The following SLC22A15 variants were observed in gnomAD, a reference collection of about 807,000 sequenced individuals.
The protein encoded by SLC22A15 is flipt 1.
Under a neutral mutation model 62.7 loss-of-function variants are expected in SLC22A15, and 45 were observed. The ratio of observed to expected loss-of-function variants is 0.72; its 90% CI spans 0.56 to 0.92. The LOEUF is 0.92. Ranked by LOEUF, SLC22A15 falls within the 40% of genes least tolerant of loss-of-function variation. The probability of loss-of-function intolerance (pLI) is 0.00; values close to 1 mark genes in which losing one functional copy is unlikely to be tolerated. For synonymous variants in SLC22A15, 264 were observed against 267.0 expected (o/e 0.99, Z 0.11); for missense variants, 622 against 665.6 (o/e 0.93, Z 0.72).
intron 11 of SLC22A15, 114 bp downstream of exon 11, chr1:116,066,822 G>A: frequency 9.1e-7 from 1 of 1,099,602 alleles, no homozygotes; most frequent in Non-Finnish European, 1.3e-6. Flanking sequence ...ACAAAAGTGG[G>A]ATCTAACAGC....
At chr1:116,065,555 T>A in intron 10 of SLC22A15, among the ~76,000 whole-genome samples, 1 of 152,126 alleles carries the variant, frequency 6.6e-6, no homozygotes, top group East Asian at 1.9e-4. Flanking sequence ...TGGACATATG[T>A]TTGAGTGTAG....
chr1:116,064,536 T>G (rs758853688), intron 10 of SLC22A15, 28 bp downstream of exon 10: 4 of 1,465,818 alleles, frequency 2.7e-6, no homozygotes, highest in Non-Finnish European at 9.6e-7. Flanking sequence ...AGTTTTGTTT[T>G]TCTTGATTCT....
chr1:116,049,543 C>T (rs994263837), intron 8 of SLC22A15, among the ~76,000 whole-genome samples: 24 of 152,046 alleles, frequency 1.6e-4, no homozygotes, highest in Admixed American at 2.0e-4. Context: ...AAAAATTCTT[C>T]GAACTGAATG....
chr1:116,053,557 C>T (rs1658118909), intron 8 of SLC22A15, among the ~76,000 whole-genome samples: 1 of 152,086 alleles, frequency 6.6e-6, no homozygotes, highest in Non-Finnish European at 1.5e-5. Flanking sequence ...CAGAGAACGC[C>T]ACTAAAATAC....
At chr1:116,012,283 T>C (rs1234317909) in intron 2 of SLC22A15, among the ~76,000 whole-genome samples, 1 of 152,184 alleles carries the variant, frequency 6.6e-6, no homozygotes, top group Non-Finnish European at 1.5e-5. Flanking sequence ...AGGCTGGATA[T>C]GTGTCTCAGT....
chr1:116,010,312 T>C (rs897462393), intron 2 of SLC22A15, among the ~76,000 whole-genome samples: 1 of 152,218 alleles, frequency 6.6e-6, no homozygotes, highest in East Asian at 1.9e-4. Flanking sequence ...GACTGTTATC[T>C]TGAGATTAAT....
rs376710590 is a variant in SLC22A15, at chr1:116,032,323, A to C, written c.944+742A>C. ...GGTGCATACAATTTGTGGATTGCAC[A>C]TGTGTTTTGATATTGTACATACTGC... On this transcript the variant is annotated intron_variant, in intron 6 of 11. Coordinates refer to ENST00000369503, the MANE Select transcript of SLC22A15 (RefSeq NM_018420.3). 27 of 985,410 alleles carry C rather than the reference A, an allele frequency of 2.7e-5. No homozygotes were observed. The East Asian group carries it at 1.4e-3, about 50-fold the overall frequency. 61.0% of individuals were successfully genotyped at this position (985,410 alleles called of 1,614,324 possible).
At chr1:115,987,496 G>A (rs1264689591) in intron 1 of SLC22A15, among the ~76,000 whole-genome samples, 6 of 152,060 alleles carry the variant, frequency 3.9e-5, no homozygotes, top group Non-Finnish European at 5.9e-5. Flanking sequence ...AGTATTTAGA[G>A]GCACCAGTTA....
chr1:116,062,850 C>G lies in SLC22A15; in HGVS notation c.1260C>G (p.Ile420Met). Residue 420 changes from isoleucine (I) to methionine (M), a missense_variant, in exon 9 of 12, where the codon ATC becomes ATG. Transcript: ENST00000369503. Reference protein sequence around the residue: ...TISAAFNIVYIYTSELYPTVI... With the variant: ...TISAAFNIVYMYTSELYPTVI... ...GTGCTGCCTTTAACATTGTTTATAT[C>G]TACACCTCTGAGCTTTACCCTACAG... is the stretch of plus-strand genomic sequence containing the variant. 6.2e-7 allele frequency: 1 copy of G among 1,613,870 alleles called. No homozygotes were observed. The highest frequency in any genetic ancestry group is 8.5e-7 in the Non-Finnish European group (1 of 1,179,778).
At chr1:116,049,038 C>T (rs1206913878) in intron 8 of SLC22A15, among the ~76,000 whole-genome samples, 1 of 152,186 alleles carries the variant, frequency 6.6e-6, no homozygotes, top group Non-Finnish European at 1.5e-5. Context: ...CCTTGTCCAA[C>T]AGGAAAATAT....
intron 8 of SLC22A15, among the ~76,000 whole-genome samples, chr1:116,054,790 G>A (rs1439402699): frequency 6.6e-6 from 1 of 152,148 alleles, no homozygotes; most frequent in African/African-American, 2.4e-5. Context: ...TGAGCAACCT[G>A]CTCCCGAATG....
chr1:116,063,772 T>G (rs1051588677), intron 9 of SLC22A15, among the ~76,000 whole-genome samples: 1 of 152,174 alleles, frequency 6.6e-6, no homozygotes, highest in African/African-American at 2.4e-5. Flanking sequence ...TATGAACTTT[T>G]CAGCTGGGAT....
intron 2 of SLC22A15, among the ~76,000 whole-genome samples, chr1:116,000,139 C>G (rs979253878): frequency 6.6e-6 from 1 of 151,902 alleles, no homozygotes; most frequent in Non-Finnish European, 1.5e-5. Flanking sequence ...TACTACTGCC[C>G]TTTTGTTATT....
chr1:116,067,686 C>T lies in SLC22A15; in HGVS notation c.*578C>T, dbSNP rs1658529593. 6.6e-6 allele frequency: 1 copy of T among 152,514 alleles called. No homozygotes were observed. Among genetic ancestry groups the T allele is most frequent in the African/African-American group, 2.4e-5 (1 of 41,440 alleles). 9.4% of individuals were successfully genotyped at this position (152,514 alleles called of 1,614,324 possible). On this transcript the variant is annotated 3_prime_UTR_variant, in exon 12 of 12. Coordinates refer to ENST00000369503, the MANE Select transcript of SLC22A15 (RefSeq NM_018420.3). Reference sequence around the variant, plus strand: ...TCTTAGCTGATGAAATATGAGTCCTCAGCTTGGTTCCCAGCCTGCTGATTG... The same window carrying T: ...TCTTAGCTGATGAAATATGAGTCCTTAGCTTGGTTCCCAGCCTGCTGATTG...
At chr1:115,998,251 T>C (rs1399077053) in intron 2 of SLC22A15, among the ~76,000 whole-genome samples, 1 of 152,130 alleles carries the variant, frequency 6.6e-6, no homozygotes, top group Non-Finnish European at 1.5e-5. Context: ...TTCTTTTTTT[T>C]GGTGTGTCTT....
intron 2 of SLC22A15, among the ~76,000 whole-genome samples, chr1:116,011,139 G>A (rs1656232889): frequency 6.6e-6 from 1 of 152,224 alleles, no homozygotes; most frequent in African/African-American, 2.4e-5. Flanking sequence ...TGAGGGGCTA[G>A]GTACTACTGT....
At chr1:116,015,736 G>A (rs1019432485) in intron 2 of SLC22A15, among the ~76,000 whole-genome samples, 1 of 152,096 alleles carries the variant, frequency 6.6e-6, no homozygotes, top group Non-Finnish European at 1.5e-5. Context: ...AGCATGAAGA[G>A]ACTAAAACAA....
intron 2 of SLC22A15, among the ~76,000 whole-genome samples, chr1:116,006,425 G>A (rs951032600): frequency 3.3e-5 from 5 of 152,178 alleles, no homozygotes; most frequent in South Asian, 4.1e-4. Flanking sequence ...GATAAAGAGT[G>A]TTAGAAACAG....
Position 115,992,215 on chromosome 1 carries a change from G to A in SLC22A15, c.272G>A (p.Ser91Asn). The change falls in exon 2 of 12, where the codon AGC becomes AAC. Residue 91 changes from serine (S) to asparagine (N), a missense_variant. Transcript: ENST00000369503. ...GAGATCCATAAGCACGTGCATTTCA[G>A]CAGCAGCTTCACCTCCATCGCCTCG... Reference protein sequence around the residue: ...GSEIHKHVHFSSSFTSIASEW... With the variant: ...GSEIHKHVHFNSSFTSIASEW... The A allele has an allele frequency of 1.2e-6, 2 of 1,600,672 alleles. No individual in the cohort carries two copies. Among genetic ancestry groups the A allele is most frequent in the South Asian group, 1.1e-5 (1 of 89,042 alleles).
Sources: gnomAD v4.1 joint callset for allele counts (sites outside exome capture counted in the v4.1 genomes callset) on GRCh38, gnomAD v4.1.1 for gene constraint, MANE v1.5 for transcripts, NCBI Gene and HGNC (gene_info 2026-07-23, HGNC 2026-07-21) for gene names.